Variants in PXDNL observed in about 807,000 individuals in gnomAD.
PXDNL encodes the protein probable oxidoreductase PXDNL.
In PXDNL, 145 loss-of-function variants were observed where a neutral mutation model predicts 150.8. The observed-to-expected ratio is 0.96, with a 90% CI of 0.84 to 1.10. The LOEUF (loss-of-function observed/expected upper bound fraction) is 1.10, where lower values mean the gene tolerates loss of function less well. Among genes scored for constraint, PXDNL ranks in the 50% least tolerant of loss-of-function variants. PXDNL has a pLI of 0.00. For synonymous variants in PXDNL, 757 were observed against 725.7 expected (o/e 1.04, Z -0.69); for missense variants, 2,087 against 1,873.9 (o/e 1.11, Z -2.10).
chr8:51,578,782 A>G (rs1282883257), intron 3 of PXDNL, among the ~76,000 whole-genome samples: 1 of 152,016 alleles, frequency 6.6e-6, no homozygotes, highest in African/African-American at 2.4e-5. Flanking sequence ...ATGTAATAAA[A>G]TAGAGAGCCT....
At chr8:51,716,751 C>A (rs958271434) in intron 1 of PXDNL, among the ~76,000 whole-genome samples, 3 of 152,068 alleles carry the variant, frequency 2.0e-5, no homozygotes, top group Admixed American at 2.0e-4. Context: ...CCAGGCATCC[C>A]CAAAGGCAGG....
chr8:51,389,629 T>C (rs1021963324), intron 17 of PXDNL, among the ~76,000 whole-genome samples: 20 of 152,236 alleles, frequency 1.3e-4, no homozygotes, highest in Admixed American at 4.6e-4. Context: ...AGAAAGCACA[T>C]TCATTCCTGA....
chr8:51,550,553 A>C (rs912257141), intron 4 of PXDNL, among the ~76,000 whole-genome samples: 1 of 152,176 alleles, frequency 6.6e-6, no homozygotes, highest in African/African-American at 2.4e-5. Context: ...AATGTGATAC[A>C]CCACATAAAC....
chr8:51,766,428 C>CA (rs2037232406), intron 1 of PXDNL, among the ~76,000 whole-genome samples: 1 of 152,218 alleles, frequency 6.6e-6, no homozygotes, highest in African/African-American at 2.4e-5. Flanking sequence ...GTATACTTTG[C>CA]AGTGCTTTTT....
At chr8:51,345,350 A>G (rs1253192057) in intron 20 of PXDNL, among the ~76,000 whole-genome samples, 1 of 152,202 alleles carries the variant, frequency 6.6e-6, no homozygotes, top group African/African-American at 2.4e-5. Flanking sequence ...AGGGATTTCA[A>G]AGGAATAAGA....
intron 8 of PXDNL, among the ~76,000 whole-genome samples, chr8:51,468,685 T>C (rs1315439465): frequency 6.6e-6 from 1 of 151,950 alleles, no homozygotes; most frequent in Non-Finnish European, 1.5e-5. Context: ...TGATCCAGTT[T>C]TCTTTATCCA....
chr8:51,599,238 T>C (rs1259241899), intron 2 of PXDNL, among the ~76,000 whole-genome samples: 2 of 152,200 alleles, frequency 1.3e-5, no homozygotes, highest in East Asian at 3.9e-4. Context: ...TTTATTCATT[T>C]CTGCTTTGAT....
intron 1 of PXDNL, among the ~76,000 whole-genome samples, chr8:51,759,547 GGA>G (rs2037139284): frequency 1.3e-5 from 2 of 152,166 alleles, no homozygotes; most frequent in South Asian, 2.1e-4. Flanking sequence ...AATACTGGAG[GGA>G]GAGAGAGAGT....
At chr8:51,705,762 CA>C (rs1225674561) in intron 1 of PXDNL, among the ~76,000 whole-genome samples, 1 of 152,116 alleles carries the variant, frequency 6.6e-6, no homozygotes, top group Non-Finnish European at 1.5e-5. Flanking sequence ...CAGCTTCTGG[CA>C]AAGACAGACC....
intron 3 of PXDNL, among the ~76,000 whole-genome samples, chr8:51,574,960 T>C (rs755397255): frequency 6.6e-6 from 1 of 151,966 alleles, no homozygotes; most frequent in Non-Finnish European, 1.5e-5. Flanking sequence ...ATATGAGGCG[T>C]CGAGAAGAAA....
At chr8:51,440,474 T>C (rs577994239) in intron 12 of PXDNL, among the ~76,000 whole-genome samples, 14 of 151,952 alleles carry the variant, frequency 9.2e-5, no homozygotes, top group African/African-American at 2.9e-4. Context: ...TAATAATTCA[T>C]GTGGCAGTGA....
chr8:51,794,655 AG>A (rs1185474624), intron 1 of PXDNL, among the ~76,000 whole-genome samples: 1 of 152,182 alleles, frequency 6.6e-6, no homozygotes, highest in Non-Finnish European at 1.5e-5. Context: ...GAGCTCCTGA[AG>A]GAAGTACTAA....
At chr8:51,432,250 C>T (rs1181593684) in intron 12 of PXDNL, among the ~76,000 whole-genome samples, 1 of 152,174 alleles carries the variant, frequency 6.6e-6, no homozygotes, top group Non-Finnish European at 1.5e-5. Flanking sequence ...CAGCCATGAG[C>T]AATGACACTG....
intron 1 of PXDNL, among the ~76,000 whole-genome samples, chr8:51,774,139 G>A (rs2037327530): frequency 6.6e-6 from 1 of 152,064 alleles, no homozygotes; most frequent in Admixed American, 6.5e-5. Context: ...CTGTTTAATG[G>A]TAGTTGAAAC....
chr8:51,375,711 C>G (rs1444164583), intron 17 of PXDNL, among the ~76,000 whole-genome samples: 1 of 152,140 alleles, frequency 6.6e-6, no homozygotes, highest in Non-Finnish European at 1.5e-5. Flanking sequence ...AGGTTTTCAA[C>G]TTTTACACTA....
chr8:51,389,127 G>A (rs964377840), intron 17 of PXDNL, among the ~76,000 whole-genome samples: 2 of 152,158 alleles, frequency 1.3e-5, no homozygotes. Flanking sequence ...GTGAGAAGGA[G>A]AGAACTTCTT....
At chr8:51,700,191 ACACAC>A (rs1447799598) in intron 1 of PXDNL, among the ~76,000 whole-genome samples, 4 of 116,088 alleles carry the variant, frequency 3.4e-5, no homozygotes, top group African/African-American at 2.2e-4. Context: ...ACACACACAC[ACACAC>A]CATCACACAC....
intron 1 of PXDNL, among the ~76,000 whole-genome samples, chr8:51,735,146 A>G (rs1430458110): frequency 6.6e-6 from 1 of 152,240 alleles, no homozygotes; most frequent in Non-Finnish European, 1.5e-5. Flanking sequence ...ACATCATGTT[A>G]TATGCCATAA....
At chr8:51,326,551 C>G (rs1198978495) in intron 21 of PXDNL, among the ~76,000 whole-genome samples, 1 of 152,048 alleles carries the variant, frequency 6.6e-6, no homozygotes, top group African/African-American at 2.4e-5. Flanking sequence ...ATCTACTCGG[C>G]CTTCCCAGAA....
Sources: allele counts gnomAD v4.1 joint callset (sites outside exome capture counted in the v4.1 genomes callset), GRCh38; gene constraint gnomAD v4.1.1; transcripts MANE v1.5; gene names NCBI Gene and HGNC (gene_info 2026-07-23, HGNC 2026-07-21).